The following VIL1 variants were observed in gnomAD, a reference collection of about 807,000 sequenced individuals.
VIL1 encodes villin-1.
In VIL1, 86 loss-of-function variants were observed where a neutral mutation model predicts 104.0. That is an observed-to-expected ratio of 0.83 (90% confidence interval 0.69 to 0.99). The LOEUF (loss-of-function observed/expected upper bound fraction) is 0.99. VIL1 is among the 50% of genes least tolerant of loss of function. The pLI is 0.00. For synonymous variants in VIL1, 394 were observed against 412.6 expected (o/e 0.95, Z 0.55); for missense variants, 944 against 1,054.1 (o/e 0.90, Z 1.45).
chr2:218,444,726 T>G (rs1182224060), intron 19 of VIL1, among the ~76,000 whole-genome samples: 3 of 152,166 alleles, frequency 2.0e-5, no homozygotes, highest in African/African-American at 7.2e-5. Flanking sequence ...AGTGGGGTGG[T>G]GGGTCTGGCT....
intron 4 of VIL1, among the ~76,000 whole-genome samples, chr2:218,426,870 G>A (rs946797301): frequency 2.6e-5 from 4 of 152,162 alleles, no homozygotes; most frequent in African/African-American, 9.7e-5. Context: ...CCAAAGTGCT[G>A]GGATTACAGG....
At position 218,452,190 on chromosome 2, in the gene VIL1, A is replaced by C. The variant is rs1383821881; in HGVS notation, c.*2854A>C. 6.6e-6 allele frequency: 1 copy of C among 152,172 alleles called. No individual in the cohort carries two copies. The highest frequency in any genetic ancestry group is 2.4e-5 in the African/African-American group (1 of 41,424). 9.4% of individuals were successfully genotyped at this position (152,172 alleles called of 1,614,324 possible). On this transcript the variant is annotated 3_prime_UTR_variant, in exon 20 of 20. Coordinates refer to ENST00000248444, the MANE Select transcript of VIL1 (RefSeq NM_007127.3). ...ACTAATTGCCATCAAGTTCCAATTCAATGTCATTTAAAGTAATGTAACCAC... is the reference window on the plus strand; with the variant it reads ...ACTAATTGCCATCAAGTTCCAATTCCATGTCATTTAAAGTAATGTAACCAC...
intron 17 of VIL1, 146 bp downstream of exon 17, chr2:218,437,458 C>A: frequency 9.0e-7 from 1 of 1,105,086 alleles, no homozygotes; most frequent in Non-Finnish European, 1.3e-6. Context: ...AGTAAGGCTG[C>A]ACTAAGGCCA....
chr2:218,426,935 G>A (rs894938314), intron 4 of VIL1, among the ~76,000 whole-genome samples: 1 of 152,068 alleles, frequency 6.6e-6, no homozygotes, highest in African/African-American at 2.4e-5. Flanking sequence ...ATTTTGTAGA[G>A]ACGAAGGTCT....
chr2:218,430,853 C>T lies in VIL1; in HGVS notation c.1077C>T (p.Gly359=). The T allele has an allele frequency of 1.9e-6, 3 of 1,613,878 alleles. No individual in the cohort carries two copies. The highest frequency in any genetic ancestry group is 2.5e-6 in the Non-Finnish European group (3 of 1,179,896). ...CGTCCAACCGGACCTCAGGCCTAGG[C>T]AAAACCCACACTGTGGGCTCCGTGG... is the stretch of plus-strand genomic sequence containing the variant. ...WTASNRTSGL[G]KTHTVGSVAK... The change falls in exon 10 of 20, where the codon GGC becomes GGT. Residue 359 remains glycine, a synonymous_variant. Coordinates refer to ENST00000248444, the MANE Select transcript of VIL1 (RefSeq NM_007127.3).
rs778347100 is a variant in VIL1 at position 218,429,559 on chromosome 2, G to T, written c.771-38G>T. ...GAAGGTGCCCTGGCTGAGGGACTTG[G>T]GCCCCCTCCCCATCTATGCCTTGCT... On this transcript the variant is annotated intron_variant, in intron 7 of 19. Coordinates refer to ENST00000248444, the MANE Select transcript of VIL1 (RefSeq NM_007127.3). The T allele has an allele frequency of 9.9e-6, 16 of 1,613,974 alleles. No homozygotes were observed. The Admixed American group carries it at 2.7e-4, about 27-fold the overall frequency.
chr2:218,421,238 C>T (rs1402020470), intron 1 of VIL1, among the ~76,000 whole-genome samples: 1 of 151,892 alleles, frequency 6.6e-6, no homozygotes, highest in African/African-American at 2.4e-5. Flanking sequence ...GGGCAGAGTG[C>T]CAGCAGAGAG....
Position 218,429,856 on chromosome 2 carries a change from A to G in VIL1, c.857A>G (p.Tyr286Cys). 6.2e-7 allele frequency: 1 copy of G among 1,613,602 alleles called. No individual in the cohort carries two copies. The highest frequency in any genetic ancestry group is 1.1e-5 in the South Asian group (1 of 91,056). The change falls in exon 9 of 20, where the codon TAC becomes TGC. Residue 286 changes from tyrosine (Y) to cysteine (C), a missense_variant. Coordinates refer to ENST00000248444, the MANE Select transcript of VIL1 (RefSeq NM_007127.3). Reference protein sequence around the residue: ...TQDLLSHEDCYILDQGGLKIY... With the variant: ...TQDLLSHEDCCILDQGGLKIY... Reference sequence around the variant, plus strand: ...TACCTCTCCCGACTCTAGGACTGTTACATCCTGGACCAGGGGGGCCTGAAG... The same window carrying G: ...TACCTCTCCCGACTCTAGGACTGTTGCATCCTGGACCAGGGGGGCCTGAAG...
At chr2:218,420,187 T>G (rs1688875771) in intron 1 of VIL1, among the ~76,000 whole-genome samples, 1 of 152,110 alleles carries the variant, frequency 6.6e-6, no homozygotes, top group African/African-American at 2.4e-5. Context: ...CCCAGCACTT[T>G]GGGAGGCCAA....
intron 3 of VIL1, among the ~76,000 whole-genome samples, chr2:218,425,399 G>C (rs972296713): frequency 6.6e-6 from 1 of 152,200 alleles, no homozygotes; most frequent in African/African-American, 2.4e-5. Flanking sequence ...TTATTTCTGA[G>C]ATGAGGCAAG....
Position 218,429,615 on chromosome 2 carries a change from G to C in VIL1, c.789G>C (p.Gly263=). The C allele has an allele frequency of 6.2e-7, 1 of 1,614,134 alleles. No homozygotes were observed. Among genetic ancestry groups the C allele is most frequent in the Non-Finnish European group, 8.5e-7 (1 of 1,180,032 alleles). Residue 263 remains glycine, a synonymous_variant, in exon 8 of 20, where the codon GGG becomes GGC. Coordinates refer to ENST00000248444, the MANE Select transcript of VIL1 (RefSeq NM_007127.3). The part of the protein sequence containing the change: ...LKLYHVSDSE[G]NLVVREVATR... ...CCTGCAGTGTGTCTGACTCCGAGGG[G>C]AATCTGGTGGTGAGGGAAGTCGCCA...
At chr2:218,441,879 C>T (rs140618988) in intron 19 of VIL1, among the ~76,000 whole-genome samples, 1,983 of 152,162 alleles carry the variant, frequency 0.013, 24 homozygotes, top group Admixed American at 0.02. Flanking sequence ...CCCAGCTACT[C>T]GGGATGCTGA....
Position 218,441,146 on chromosome 2 carries a change from T to C in VIL1, c.2370+284T>C, listed in dbSNP as rs1030846772. ...GCTCATGCCTGTAATCCCAGCACTT[T>C]GGGAGGCCGAGGTGGGTGGATCACC... On this transcript the variant is annotated intron_variant, in intron 19 of 19. Coordinates refer to ENST00000248444, the MANE Select transcript of VIL1 (RefSeq NM_007127.3). Among the ~76,000 whole-genome samples, 7 of 152,118 alleles carry C rather than the reference T, an allele frequency of 4.6e-5. No homozygotes were observed. The East Asian group carries it at 1.3e-3, about 29-fold the overall frequency.
chr2:218,449,109 T>C, intron 19 of VIL1, 114 bp from the exon 20 acceptor site: 2 of 753,070 alleles, frequency 2.7e-6, no homozygotes, highest in Non-Finnish European at 4.8e-6. Flanking sequence ...TGTTTACTCT[T>C]CATTTATTTG....
At position 218,425,601 on chromosome 2, in the gene VIL1, C is replaced by T. The variant is rs759647521; in HGVS notation, c.151-14C>T. 1 of 1,613,560 alleles carries T rather than the reference C, an allele frequency of 6.2e-7. No homozygotes were observed. The highest frequency in any genetic ancestry group is 1.1e-5 in the South Asian group (1 of 90,986). On this transcript the variant is annotated splice_polypyrimidine_tract_variant and intron_variant, in intron 3 of 19. Transcript: ENST00000248444. ...AGCCCAGGGTCTCGGGTACACTGGACACCTTTTCCCTAGATCCACAAGACA... is the reference window on the plus strand; with the variant it reads ...AGCCCAGGGTCTCGGGTACACTGGATACCTTTTCCCTAGATCCACAAGACA...
intron 13 of VIL1, among the ~76,000 whole-genome samples, 170 bp from the exon 14 acceptor site, chr2:218,434,354 GAA>G (rs1442533724): frequency 6.6e-6 from 1 of 152,186 alleles, no homozygotes; most frequent in Non-Finnish European, 1.5e-5. Flanking sequence ...GAACATTTTT[GAA>G]AAGAGAAACG....
intron 19 of VIL1, among the ~76,000 whole-genome samples, chr2:218,446,887 C>T (rs929816209): frequency 5.9e-5 from 9 of 151,808 alleles, no homozygotes; most frequent in African/African-American, 1.7e-4. Flanking sequence ...CCTCAGCCTC[C>T]GGAGTAGCTG....
rs1345698927 is a variant in VIL1, at chr2:218,434,653, A to G, written c.1628A>G (p.Asn543Ser). The G allele has an allele frequency of 2.5e-6, 4 of 1,614,106 alleles. No homozygotes were observed. Among genetic ancestry groups the G allele is most frequent in the South Asian group, 2.2e-5 (2 of 91,084 alleles). ...GCGCGGGCCAATTTCCTCAATTCCA[A>G]TGATGTCTTTGTCCTCAAGACCCAG... Reference protein sequence around the residue: ...VPARANFLNSNDVFVLKTQSC... With the variant: ...VPARANFLNSSDVFVLKTQSC... The change falls in exon 14 of 20, where the codon AAT becomes AGT. Residue 543 changes from asparagine (N) to serine (S), a missense_variant. Coordinates refer to ENST00000248444, the MANE Select transcript of VIL1 (RefSeq NM_007127.3).
At chr2:218,421,437 G>A (rs1239546172) in intron 1 of VIL1, among the ~76,000 whole-genome samples, 1 of 152,176 alleles carries the variant, frequency 6.6e-6, no homozygotes, top group African/African-American at 2.4e-5. Context: ...AATTAAAACT[G>A]AAGGAGGAGA....
Sources: allele counts gnomAD v4.1 joint callset (sites outside exome capture counted in the v4.1 genomes callset), GRCh38; gene constraint gnomAD v4.1.1; transcripts MANE v1.5; gene names NCBI Gene and HGNC (gene_info 2026-07-23, HGNC 2026-07-21).